Variants in SPAG16 observed in about 807,000 individuals in gnomAD.
The protein encoded by SPAG16 is sperm associated antigen 16, also known as sperm-associated antigen 16 protein.
A neutral mutation model predicts 80.4 loss-of-function variants in SPAG16; 86 were observed. That is an observed-to-expected ratio of 1.07 (90% CI 0.90 to 1.28). The LOEUF is 1.28. SPAG16 is among the 50% of genes most tolerant of loss of function. The pLI is 0.00. For missense variants in SPAG16, 870 were observed against 765.3 expected (o/e 1.14, Z -1.61); for synonymous variants, 294 against 265.9 (o/e 1.11, Z -1.03).
At chr2:214,154,535 A>T (rs1399980849) in intron 15 of SPAG16, among the ~76,000 whole-genome samples, 2 of 133,956 alleles carry the variant, frequency 1.5e-5, no homozygotes, top group African/African-American at 2.7e-5. Flanking sequence ...TAACAAGATA[A>T]CTCTAAAACC....
At chr2:214,150,505 A>G (rs1344534887) in intron 15 of SPAG16, among the ~76,000 whole-genome samples, 1 of 152,064 alleles carries the variant, frequency 6.6e-6, no homozygotes, top group Non-Finnish European at 1.5e-5. Flanking sequence ...TAAAGGGTCA[A>G]TTTATAGTTT....
chr2:214,105,302 T>G (rs548483252), intron 13 of SPAG16, among the ~76,000 whole-genome samples: 1 of 152,190 alleles, frequency 6.6e-6, no homozygotes, highest in Non-Finnish European at 1.5e-5. Flanking sequence ...CTGGAAAATA[T>G]TCAGCATTTC....
rs552193362 is a variant in SPAG16, at chr2:213,756,322, T to A, written c.1071-106163T>A. ...GTGGTAAAACCCCGTCTCAAAAAAA[T>A]AAATAAATAAATAAAAATTAGCCAG... On this transcript the variant is annotated intron_variant, in intron 10 of 15. Transcript: ENST00000331683. 5.9e-4 allele frequency among the ~76,000 whole-genome samples: 90 copies of A among 151,920 alleles called. 1 individual carries two copies. Among genetic ancestry groups the A allele is most frequent in the African/African-American group, 1.9e-3 (80 of 41,428 alleles).
intron 14 of SPAG16, among the ~76,000 whole-genome samples, chr2:214,109,892 A>G (rs2053576981): frequency 6.6e-6 from 1 of 152,212 alleles, no homozygotes; most frequent in South Asian, 2.1e-4. Flanking sequence ...ATAGCTTCAC[A>G]TGCCCTACAA....
At chr2:214,314,648 A>G (rs1695554162) in intron 15 of SPAG16, among the ~76,000 whole-genome samples, 1 of 152,214 alleles carries the variant, frequency 6.6e-6, no homozygotes, top group Admixed American at 6.5e-5. Context: ...GGATATTCCA[A>G]TAAAGTGGAA....
intron 5 of SPAG16, chr2:213,318,118 T>C (rs2063475969): frequency 6.6e-6 from 1 of 152,064 alleles, no homozygotes; most frequent in Admixed American, 6.6e-5. Flanking sequence ...TGGTGTAAGA[T>C]GATATCTCAT....
At chr2:214,082,615 G>A (rs2051456753) in intron 13 of SPAG16, among the ~76,000 whole-genome samples, 1 of 152,166 alleles carries the variant, frequency 6.6e-6, no homozygotes, top group South Asian at 2.1e-4. Context: ...GCCAGATACA[G>A]TGGTTCTCAA....
At chr2:214,138,946 C>A (rs573446477) in intron 14 of SPAG16, among the ~76,000 whole-genome samples, 2 of 152,224 alleles carry the variant, frequency 1.3e-5, no homozygotes, top group Admixed American at 1.3e-4. Flanking sequence ...GATAGCAAAC[C>A]TATGACTGCT....
At chr2:214,346,494 C>T (rs541732553) in intron 15 of SPAG16, among the ~76,000 whole-genome samples, 1 of 152,132 alleles carries the variant, frequency 6.6e-6, no homozygotes, top group South Asian at 2.1e-4. Flanking sequence ...GGGTCTATGT[C>T]CCCTCCTCTT....
intron 15 of SPAG16, among the ~76,000 whole-genome samples, chr2:214,313,415 T>A (rs17767540): frequency 0.092 from 13,981 of 152,146 alleles, 773 homozygotes; most frequent in Middle Eastern, 0.15. Flanking sequence ...TTACTTTTCA[T>A]TTTATTCTAG....
chr2:213,608,463 G>C (rs7594210), intron 10 of SPAG16, among the ~76,000 whole-genome samples: 3,638 of 152,172 alleles, frequency 0.024, 145 homozygotes, highest in African/African-American at 0.082. Flanking sequence ...TGAGAATGAT[G>C]GTTTCCAGCT....
At position 213,472,955 on chromosome 2, in the gene SPAG16, T is replaced by C. The variant is rs999865476; in HGVS notation, c.943-17008T>C. On this transcript the variant is annotated intron_variant, in intron 9 of 15. Coordinates refer to ENST00000331683, the MANE Select transcript of SPAG16 (RefSeq NM_024532.5). ...GATTAACAGCATAAATTGTCAGTAG[T>C]GTAGTGGTGTCCTTCCTCAAGAGGT... is the stretch of plus-strand genomic sequence containing the variant. 7.9e-5 allele frequency among the ~76,000 whole-genome samples: 12 copies of C among 152,276 alleles called. No homozygotes were observed. In the East Asian group the frequency reaches 1.5e-3, roughly 20 times the overall value.
intron 15 of SPAG16, among the ~76,000 whole-genome samples, chr2:214,268,096 G>C (rs780238928): frequency 6.6e-6 from 1 of 151,018 alleles, no homozygotes; most frequent in Non-Finnish European, 1.5e-5. Flanking sequence ...CTAATTATAA[G>C]AGAAATGTAA....
At chr2:214,328,023 C>G (rs905284002) in intron 15 of SPAG16, among the ~76,000 whole-genome samples, 1 of 151,972 alleles carries the variant, frequency 6.6e-6, no homozygotes, top group Non-Finnish European at 1.5e-5. Flanking sequence ...CCTAGAGGCT[C>G]TATGATAGGA....
chr2:214,064,757 T>C (rs1227283791), intron 13 of SPAG16, among the ~76,000 whole-genome samples: 3 of 152,110 alleles, frequency 2.0e-5, no homozygotes, highest in Non-Finnish European at 4.4e-5. Context: ...TTAAACAGAA[T>C]TCTGTAAATT....
intron 9 of SPAG16, among the ~76,000 whole-genome samples, chr2:213,428,962 G>A (rs1208213658): frequency 6.6e-6 from 1 of 151,894 alleles, no homozygotes; most frequent in Non-Finnish European, 1.5e-5. Flanking sequence ...CATGGTGGCA[G>A]GCTCCTGTAA....
At chr2:214,238,155 T>C (rs753845408) in intron 15 of SPAG16, 27 of 430,686 alleles carry the variant, frequency 6.3e-5, no homozygotes, top group Non-Finnish European at 1.0e-4. Context: ...CGTATCTTTA[T>C]AGACTAGGAG....
At chr2:214,077,967 C>T (rs1052241731) in intron 13 of SPAG16, among the ~76,000 whole-genome samples, 29 of 152,316 alleles carry the variant, frequency 1.9e-4, no homozygotes, top group African/African-American at 6.7e-4. Flanking sequence ...TGCAGCTGCT[C>T]TGGGCTTGCA....
chr2:214,323,184 C>G (rs965330315), intron 15 of SPAG16, among the ~76,000 whole-genome samples: 2 of 152,036 alleles, frequency 1.3e-5, no homozygotes, highest in Non-Finnish European at 2.9e-5. Context: ...ATATAAAAAG[C>G]CTGTTCTTTC....
Sources: gnomAD v4.1 joint callset for allele counts (sites outside exome capture counted in the v4.1 genomes callset) on GRCh38, gnomAD v4.1.1 for gene constraint, MANE v1.5 for transcripts, NCBI Gene and HGNC (gene_info 2026-07-23, HGNC 2026-07-21) for gene names.